Variants in LRRIQ1 observed in about 807,000 individuals in gnomAD.
The protein encoded by LRRIQ1 is leucine rich repeats and IQ motif containing 1.
Under a neutral mutation model 211.9 loss-of-function variants are expected in LRRIQ1, and 210 were observed. The ratio of observed to expected loss-of-function variants is 0.99; its 90% CI spans 0.89 to 1.11. The LOEUF is 1.11. LRRIQ1 is among the 50% of genes most tolerant of loss of function. LRRIQ1 has a pLI of 0.00. For missense variants in LRRIQ1, 2,136 were observed against 1,939.5 expected, an observed-to-expected ratio of 1.10 and a Z score of -1.90; for synonymous variants, 699 against 650.1, an observed-to-expected ratio of 1.08 and a Z score of -1.14.
intron 19 of LRRIQ1, among the ~76,000 whole-genome samples, chr12:85,145,208 C>T (rs776747778): frequency 7.9e-5 from 12 of 151,520 alleles, no homozygotes; most frequent in Non-Finnish European, 1.3e-4. Flanking sequence ...AAACATAGCT[C>T]TAAGTTTAGG....
chr12:85,168,846 C>G (rs1047589642), intron 24 of LRRIQ1, among the ~76,000 whole-genome samples: 1 of 152,094 alleles, frequency 6.6e-6, no homozygotes, highest in African/African-American at 2.4e-5. Context: ...ATGGTAAGAC[C>G]AGTGAATTCC....
At chr12:85,193,124 T>TATATATTTTTATATATGGGACC (rs1892691983) in intron 24 of LRRIQ1, among the ~76,000 whole-genome samples, 1 of 126,968 alleles carries the variant, frequency 7.9e-6, no homozygotes, top group African/African-American at 3.0e-5. Flanking sequence ...TATATAATTA[T>TATATATTTTTATATATGGGACC]ATATATTTTT....
chr12:85,050,983 G>C (rs1396119156), intron 6 of LRRIQ1, among the ~76,000 whole-genome samples: 1 of 152,148 alleles, frequency 6.6e-6, no homozygotes, highest in Non-Finnish European at 1.5e-5. Flanking sequence ...TTCTGATACA[G>C]TTTGGATGTT....
the LRRIQ1 span, among the ~76,000 whole-genome samples, chr12:85,270,461 C>A: frequency 6.6e-6 from 1 of 152,026 alleles, no homozygotes; most frequent in Non-Finnish European, 1.5e-5. Flanking sequence ...CACCCCAGGA[C>A]CTAGCAACTT....
chr12:85,111,588 G>A (rs1007946741), intron 15 of LRRIQ1, among the ~76,000 whole-genome samples: 3 of 152,074 alleles, frequency 2.0e-5, no homozygotes, highest in Non-Finnish European at 2.9e-5. Flanking sequence ...CCTCTCACCT[G>A]CCACACTAAG....
At position 85,229,636 on chromosome 12, in the gene LRRIQ1, A is replaced by G. The variant is rs1894838224; in HGVS notation, c.4942A>G (p.Arg1648Gly). 2 of 1,611,480 alleles carry G rather than the reference A, an allele frequency of 1.2e-6. No homozygotes were observed. Among genetic ancestry groups the G allele is most frequent in the Non-Finnish European group, 1.7e-6 (2 of 1,179,190 alleles). The change falls in exon 25 of 27, where the codon AGA becomes GGA. Residue 1648 changes from arginine to glycine, a missense_variant. By Grantham distance (125) the Arg-to-Gly change is moderately radical. Coordinates refer to ENST00000393217, the MANE Select transcript of LRRIQ1 (RefSeq NM_001079910.2). The part of the protein sequence containing the change: ...QVGVHETTSS[R>G]NMKCNHFLPE... ...TGGGGTTCATGAAACGACTAGTTCCAGAAATATGAAATGGTGAGGTCATTT... is the reference window on the plus strand; with the variant it reads ...TGGGGTTCATGAAACGACTAGTTCCGGAAATATGAAATGGTGAGGTCATTT...
At chr12:85,201,422 G>C (rs1893286980) in intron 24 of LRRIQ1, among the ~76,000 whole-genome samples, 1 of 151,466 alleles carries the variant, frequency 6.6e-6, no homozygotes, top group African/African-American at 2.4e-5. Context: ...CCTCATCCTG[G>C]GCTTTGTTTG....
intron 24 of LRRIQ1, among the ~76,000 whole-genome samples, chr12:85,197,061 A>G (rs1365380034): frequency 1.3e-5 from 2 of 152,016 alleles, no homozygotes; most frequent in African/African-American, 4.8e-5. Context: ...TATGCAGCCA[A>G]AAAACACATG....
rs11116759 is a variant in LRRIQ1, at chr12:85,253,129, G to A, written c.121+8220G>A. 1.9e-3 allele frequency among the ~76,000 whole-genome samples: 284 copies of A among 152,056 alleles called. 2 individuals carry two copies. Among genetic ancestry groups the A allele is most frequent in the African/African-American group, 6.4e-3 (267 of 41,502 alleles). The stretch of plus-strand genomic sequence containing the variant: ...TAATGAACATCATCCAATTAAAACT[G>A]TGTAATGAATTGCAGCATTAATGTT... On this transcript the variant is annotated intron_variant, in intron 1 of 1. Coordinates refer to the LRRIQ1 transcript ENST00000602731.
intron 11 of LRRIQ1, among the ~76,000 whole-genome samples, chr12:85,097,999 A>G (rs1886038784): frequency 6.6e-6 from 1 of 152,180 alleles, no homozygotes; most frequent in African/African-American, 2.4e-5. Context: ...CAAAGTTCAA[A>G]GGCTCTGGAA....
At chr12:85,068,756 G>A (rs1882720502) in intron 10 of LRRIQ1, among the ~76,000 whole-genome samples, 1 of 148,526 alleles carries the variant, frequency 6.7e-6, no homozygotes, top group African/African-American at 2.5e-5. Flanking sequence ...GGTCTTTGAA[G>A]TCCCTTTAAA....
rs1449420475 is a variant in LRRIQ1, at chr12:85,055,616, G to GA, written c.830dup (p.Asn277LysfsTer9). On this transcript the variant is annotated frameshift_variant, in exon 8 of 27. Transcript: ENST00000393217. LOFTEE classifies it high-confidence loss of function. Reference sequence around the variant, plus strand: ...AAGATTTAAAGACCAACAAGAAAAAGAAAAAAATTCTTTGTTAAAACAGCA... The same window carrying GA: ...AAGATTTAAAGACCAACAAGAAAAAGAAAAAAAATTCTTTGTTAAAACAGCA... 3.2e-6 allele frequency: 5 copies of GA among 1,572,142 alleles called. No individual in the cohort carries two copies. The highest frequency in any genetic ancestry group is 2.8e-5 in the African/African-American group (2 of 72,052).
Position 85,045,644 on chromosome 12 carries a change from T to A in LRRIQ1, c.337-376T>A, listed in dbSNP as rs890736043. On this transcript the variant is annotated intron_variant, in intron 4 of 26. Transcript: ENST00000393217. ...GTTCTCTTTCGTATCATATAGAATA[T>A]ATAAAAAGTTTGTGTATGTGAACAG... Among the ~76,000 whole-genome samples the A allele has an allele frequency of 4.6e-5, 7 of 151,924 alleles. No individual in the cohort carries two copies. In the East Asian group the frequency reaches 1.3e-3, roughly 29 times the overall value.
chr12:85,090,552 AT>A (rs1885277841), intron 11 of LRRIQ1, among the ~76,000 whole-genome samples: 1 of 152,190 alleles, frequency 6.6e-6, no homozygotes, highest in South Asian at 2.1e-4. Flanking sequence ...AAAGGAGATT[AT>A]TTTGGAGCTT....
At chr12:85,198,688 T>C (rs2660465) in intron 24 of LRRIQ1, among the ~76,000 whole-genome samples, 50,849 of 151,710 alleles carry the variant, frequency 0.34, 12,536 homozygotes, top group African/African-American at 0.7. Flanking sequence ...CTGCCTCAGC[T>C]TCCCAAGTAG....
chr12:85,047,179 A>T, intron 5 of LRRIQ1, 68 bp from the exon 6 acceptor site: 1 of 1,186,996 alleles, frequency 8.4e-7, no homozygotes, highest in Non-Finnish European at 1.2e-6. Context: ...AATTACTTTT[A>T]TACTTTGAAT....
At chr12:85,227,715 A>T (rs1894732720) in intron 24 of LRRIQ1, among the ~76,000 whole-genome samples, 2 of 152,146 alleles carry the variant, frequency 1.3e-5, no homozygotes, top group Non-Finnish European at 2.9e-5. Flanking sequence ...CATTGCCAAC[A>T]CAATCCTAAG....
intron 24 of LRRIQ1, among the ~76,000 whole-genome samples, chr12:85,227,752 C>T (rs1380121238): frequency 1.3e-5 from 2 of 152,086 alleles, no homozygotes; most frequent in East Asian, 3.9e-4. Flanking sequence ...GGAGGCATCA[C>T]GCTACCTGAC....
At chr12:85,046,204 A>C in intron 5 of LRRIQ1, 67 bp downstream of exon 5, 1 of 924,996 alleles carries the variant, frequency 1.1e-6, no homozygotes, top group Non-Finnish European at 1.7e-6. Flanking sequence ...ATTTAAAAAA[A>C]ATTGGACAGT....
Sources: gnomAD v4.1 joint callset for allele counts (sites outside exome capture counted in the v4.1 genomes callset) on GRCh38, gnomAD v4.1.1 for gene constraint, MANE v1.5 for transcripts, NCBI Gene and HGNC (gene_info 2026-07-23, HGNC 2026-07-21) for gene names.